Variants in PITPNM3 observed in about 807,000 individuals in gnomAD.
The protein encoded by PITPNM3 is PITPNM family member 3.
PITPNM3 carries 26 observed loss-of-function variants against 102.0 expected under a neutral mutation model. The ratio of observed to expected loss-of-function variants is 0.25; its 90% CI spans 0.19 to 0.35. PITPNM3 has a LOEUF of 0.35. Among genes scored for constraint, PITPNM3 ranks in the 10% least tolerant of loss-of-function variants. PITPNM3 has a pLI of 1.00. For synonymous variants in PITPNM3, 578 were observed against 558.6 expected (o/e 1.03, Z -0.49); for missense variants, 1,083 against 1,346.1 (o/e 0.80, Z 3.06).
intron 1 of PITPNM3, among the ~76,000 whole-genome samples, chr17:6,544,384 A>C (rs752507241): frequency 2.0e-5 from 3 of 152,074 alleles, no homozygotes; most frequent in Non-Finnish European, 4.4e-5. Flanking sequence ...GTAAAAAAAC[A>C]AGCCTGGCAG....
chr17:6,452,762 T>A lies in PITPNM3; in HGVS notation c.*2576A>T, dbSNP rs527503619. ...ATCTCACCGTACACCATCAGCATCT[T>A]GTGTGTGCATCATCAGCCAAAGCCC... On this transcript the variant is annotated 3_prime_UTR_variant, in exon 20 of 20. Transcript: ENST00000262483. The A allele has an allele frequency of 1.3e-5, 2 of 152,328 alleles. No homozygotes were observed. The highest frequency in any genetic ancestry group is 1.5e-5 in the Non-Finnish European group (1 of 68,036). 9.4% of individuals were successfully genotyped at this position (152,328 alleles called of 1,614,324 possible).
chr17:6,544,098 G>A (rs1909878920), intron 1 of PITPNM3, among the ~76,000 whole-genome samples: 1 of 152,212 alleles, frequency 6.6e-6, no homozygotes, highest in African/African-American at 2.4e-5. Context: ...GGCCCTGGTG[G>A]GTGCACAGCA....
At chr17:6,527,288 T>C (rs886697556) in intron 2 of PITPNM3, among the ~76,000 whole-genome samples, 2 of 152,258 alleles carry the variant, frequency 1.3e-5, no homozygotes, top group Non-Finnish European at 2.9e-5. Flanking sequence ...ATTGATTTTT[T>C]TCAATCCTGG....
chr17:6,506,808 C>T (rs1265843930), intron 3 of PITPNM3, among the ~76,000 whole-genome samples: 1 of 152,212 alleles, frequency 6.6e-6, no homozygotes, highest in African/African-American at 2.4e-5. Context: ...GGATCCCCCT[C>T]CTGCCAGCCA....
Position 6,458,352 on chromosome 17 carries a change from GTCA to G in PITPNM3, c.2491-633_2491-631del, listed in dbSNP as rs955888779. ...CCCTCACTGTGTGCCTCCTGTCACT[GTCA>G]TCTTCTTTTTCTCCCACTCACACTC... On this transcript the variant is annotated intron_variant, in intron 18 of 19. Coordinates refer to ENST00000262483, the MANE Select transcript of PITPNM3 (RefSeq NM_031220.4). The surrounding 1 kb of genome is among the most constrained non-coding windows in gnomAD (Gnocchi z 5.1). Among the ~76,000 whole-genome samples the G allele has an allele frequency of 1.3e-5, 2 of 152,032 alleles. No individual in the cohort carries two copies. The highest frequency in any genetic ancestry group is 4.8e-5 in the African/African-American group (2 of 41,386).
At chr17:6,500,745 G>A (rs961923977) in intron 4 of PITPNM3, among the ~76,000 whole-genome samples, 1 of 151,178 alleles carries the variant, frequency 6.6e-6, no homozygotes, top group Admixed American at 6.6e-5. Context: ...GCATAATCTT[G>A]GCTCACTGCA....
In PITPNM3 at chr17:6,537,653, T is replaced by A. The variant is rs941534223; in HGVS notation, c.118+334A>T. ...CGGCACTTTTACTTAGTGGCGATGGTCCCCATTCGTCATTGTATTTTCTTG... is the reference window on the plus strand; with the variant it reads ...CGGCACTTTTACTTAGTGGCGATGGACCCCATTCGTCATTGTATTTTCTTG... On this transcript the variant is annotated intron_variant, in intron 2 of 19. Coordinates refer to ENST00000262483, the MANE Select transcript of PITPNM3 (RefSeq NM_031220.4). The surrounding 1 kb of genome is among the most constrained non-coding windows in gnomAD (Gnocchi z 4.4). Among the ~76,000 whole-genome samples, 2 of 152,164 alleles carry A rather than the reference T, an allele frequency of 1.3e-5. No homozygotes were observed. The highest frequency in any genetic ancestry group is 4.8e-5 in the African/African-American group (2 of 41,420).
In PITPNM3 at chr17:6,461,446, A is replaced by G. The variant is rs754042795; in HGVS notation, c.2417T>C (p.Ile806Thr). Residue 806 changes from isoleucine to threonine, a missense_variant, in exon 18 of 20, where the codon ATC (isoleucine) becomes ACC (threonine). Physicochemically the swap from Ile to Thr is moderately conservative, Grantham distance 89. This residue lies in a region of PITPNM3 where 410 missense variants were observed against 638.4 expected (regional missense o/e 0.64). Coordinates refer to ENST00000262483, the MANE Select transcript of PITPNM3 (RefSeq NM_031220.4). ...ATGCACCAGCCCATCGGAGAAGAAG[A>G]TCATGCCCTGTGGGAAGTTGTGCTG... ...LSQHNFPQGM[I>T]FFSDGLVHDP... 9.9e-6 allele frequency: 16 copies of G among 1,614,046 alleles called. No individual in the cohort carries two copies. The Admixed American group carries it at 2.2e-4, about 22-fold the overall frequency.
Position 6,455,651 on chromosome 17 carries a change from G to A in PITPNM3, c.2620-8C>T. 1 of 1,185,010 alleles carries A rather than the reference G, an allele frequency of 8.4e-7. No homozygotes were observed. The highest frequency in any genetic ancestry group is 1.1e-6 in the Non-Finnish European group (1 of 906,038). The allele number at this position is 1,185,010 out of a possible 1,614,324, so 73.4% of individuals were successfully genotyped here. A position where few individuals can be genotyped will look rare whatever the true frequency, so the allele number is the denominator to read the frequency against. ...GTAGCCCTCGCTCAGGAACTGCGGAGGGCAGGGGAGGGCAGGGGAGGGCAG... is the reference window on the plus strand; with the variant it reads ...GTAGCCCTCGCTCAGGAACTGCGGAAGGCAGGGGAGGGCAGGGGAGGGCAG... On this transcript the variant is annotated splice_region_variant and splice_polypyrimidine_tract_variant and intron_variant, in intron 19 of 19. Coordinates refer to ENST00000262483, the MANE Select transcript of PITPNM3 (RefSeq NM_031220.4).
chr17:6,555,939 T>TGGGGC (rs1910578564), intron 1 of PITPNM3, among the ~76,000 whole-genome samples: 1 of 146,346 alleles, frequency 6.8e-6, no homozygotes, highest in Non-Finnish European at 1.5e-5. Context: ...TGACGGGGGC[T>TGGGGC]GGGGCGGGGG....
rs773292494 is a variant in PITPNM3, at chr17:6,470,421, G to C, written c.1625-13C>G. 3 of 1,614,010 alleles carry C rather than the reference G, an allele frequency of 1.9e-6. No individual in the cohort carries two copies. The South Asian group carries it at 3.3e-5, about 18-fold the overall frequency. ...CACTTGGCTGTGACTGTGGGTCGGA[G>C]AGGAAGGTGAGGATGCGTGGCCGGC... On this transcript the variant is annotated splice_polypyrimidine_tract_variant and intron_variant, in intron 12 of 19. Coordinates refer to ENST00000262483, the MANE Select transcript of PITPNM3 (RefSeq NM_031220.4). This position sits in a 1 kb window ranked among gnomAD's most constrained non-coding sequence, Gnocchi z 4.8.
At chr17:6,487,952 C>T (rs1458669240) in intron 4 of PITPNM3, among the ~76,000 whole-genome samples, 1 of 152,178 alleles carries the variant, frequency 6.6e-6, no homozygotes, top group Non-Finnish European at 1.5e-5. Context: ...GGGGACAGAG[C>T]CTTGCTTCCT....
intron 4 of PITPNM3, among the ~76,000 whole-genome samples, chr17:6,497,930 T>C (rs1430896965): frequency 1.3e-5 from 2 of 152,156 alleles, no homozygotes; most frequent in East Asian, 3.9e-4. Flanking sequence ...CTCGTGGAGC[T>C]GCTGAGACTG....
rs778313499 is a variant in PITPNM3, at chr17:6,455,591, C to A, written c.2672G>T (p.Arg891Leu). The A allele has an allele frequency of 1.3e-5, 21 of 1,559,916 alleles. No individual in the cohort carries two copies. In the Admixed American group the frequency reaches 3.6e-4, roughly 27 times the overall value. Reference sequence around the variant, plus strand: ...CGAGTTGTTCTTCTTTGGGCGTGAGCGGTGGCTGGCCTCCAGCGCGGCCAG... The same window carrying A: ...CGAGTTGTTCTTCTTTGGGCGTGAGAGGTGGCTGGCCTCCAGCGCGGCCAG... ...AHLAALEASH[R>L]SRPKKNNSRM... Residue 891 changes from arginine (R) to leucine (L), a missense_variant, in exon 20 of 20, where the codon CGC becomes CTC. Arg to Leu is a moderately radical substitution (Grantham distance 102). This residue lies in a region of PITPNM3 where 208 missense variants were observed against 178.2 expected (regional missense o/e 1.17). Transcript: ENST00000262483.
chr17:6,491,190 T>G (rs1906460308), intron 4 of PITPNM3, among the ~76,000 whole-genome samples: 1 of 150,724 alleles, frequency 6.6e-6, no homozygotes, highest in African/African-American at 2.4e-5. Context: ...TAACCCTGCA[T>G]CATAGCATGT....
At position 6,457,892 on chromosome 17, in the gene PITPNM3, C is replaced by T. The variant is rs1437239350; in HGVS notation, c.2491-170G>A. 1.3e-5 allele frequency among the ~76,000 whole-genome samples: 2 copies of T among 151,610 alleles called. No individual in the cohort carries two copies. The highest frequency in any genetic ancestry group is 2.0e-4 in the East Asian group (1 of 5,110). On this transcript the variant is annotated intron_variant, in intron 18 of 19. Coordinates refer to ENST00000262483, the MANE Select transcript of PITPNM3 (RefSeq NM_031220.4). The surrounding 1 kb of genome is among the most constrained non-coding windows in gnomAD (Gnocchi z 4.7). Reference sequence around the variant, plus strand: ...GGAATGAACCCTCAGAGTGGCTGCCCCTCCCTGCACCCCAGGCCCAACCCA... The same window carrying T: ...GGAATGAACCCTCAGAGTGGCTGCCTCTCCCTGCACCCCAGGCCCAACCCA...
intron 3 of PITPNM3, among the ~76,000 whole-genome samples, chr17:6,522,150 G>T (rs973448310): frequency 6.6e-6 from 1 of 152,118 alleles, no homozygotes; most frequent in Admixed American, 6.5e-5. Context: ...AGGAAACAAG[G>T]CCGGTCTTTA....
Position 6,455,553 on chromosome 17 carries a change from G to C in PITPNM3, c.2710C>G (p.Arg904Gly). Residue 904 changes from arginine (R) to glycine (G), a missense_variant, in exon 20 of 20, where the codon CGC becomes GGC. This residue lies in a region of PITPNM3 where 208 missense variants were observed against 178.2 expected (regional missense o/e 1.17). Transcript: ENST00000262483. ...PKKNNSRMIL[R>G]KGSFGLHAQP... ...GCGTGCAGCCCGAAGCTGCCCTTGCGCAGGATCATGCGCGAGTTGTTCTTC... is the reference window on the plus strand; with the variant it reads ...GCGTGCAGCCCGAAGCTGCCCTTGCCCAGGATCATGCGCGAGTTGTTCTTC... 1 of 1,603,210 alleles carries C rather than the reference G, an allele frequency of 6.2e-7. No homozygotes were observed. Among genetic ancestry groups the C allele is most frequent in the Non-Finnish European group, 8.5e-7 (1 of 1,179,404 alleles).
intron 17 of PITPNM3, among the ~76,000 whole-genome samples, chr17:6,462,861 G>C (rs1904535807): frequency 6.6e-6 from 1 of 152,142 alleles, no homozygotes; most frequent in Non-Finnish European, 1.5e-5. Context: ...TCTGATGACT[G>C]TCGAGGTTTG....
Sources: allele counts gnomAD v4.1 joint callset (sites outside exome capture counted in the v4.1 genomes callset), GRCh38; gene constraint gnomAD v4.1.1; regional missense constraint gnomAD v4.1.1; non-coding constraint Gnocchi (gnomAD v3.1); transcripts MANE v1.5; gene names NCBI Gene and HGNC (gene_info 2026-07-23, HGNC 2026-07-21).